Variants in ECPAS observed in about 807,000 individuals in gnomAD.
The protein encoded by ECPAS is proteasome adapter and scaffold protein ECM29.
Under a neutral mutation model 255.1 loss-of-function variants are expected in ECPAS, and 70 were observed. That is an observed-to-expected ratio of 0.27 (90% confidence interval 0.23 to 0.33). The LOEUF is 0.33. Among genes scored for constraint, ECPAS ranks in the 10% least tolerant of loss-of-function variants. The probability of loss-of-function intolerance (pLI) is 1.00; values close to 1 mark genes in which losing one functional copy is unlikely to be tolerated. For missense variants in ECPAS, 1,817 were observed against 2,206.4 expected, an observed-to-expected ratio of 0.82 and a Z score of 3.54; for synonymous variants, 784 against 775.0, an observed-to-expected ratio of 1.01 and a Z score of -0.19.
At chr9:111,363,971 C>T (rs1376229440) in intron 48 of ECPAS, among the ~76,000 whole-genome samples, 1 of 152,170 alleles carries the variant, frequency 6.6e-6, no homozygotes, top group Non-Finnish European at 1.5e-5. Context: ...AACACAAAAT[C>T]ATCTTCGTAT....
At chr9:111,442,223 TAAAACC>T in intron 5 of ECPAS, 77 bp downstream of exon 5, 2 of 929,684 alleles carry the variant, frequency 2.2e-6, no homozygotes, top group Non-Finnish European at 3.3e-6. Flanking sequence ...TTTGCTCAAG[TAAAACC>T]AAATATGTGA....
intron 3 of ECPAS, among the ~76,000 whole-genome samples, chr9:111,446,322 C>A (rs966432938): frequency 6.6e-6 from 1 of 152,090 alleles, no homozygotes; most frequent in Non-Finnish European, 1.5e-5. Context: ...AGATTTCTGC[C>A]AACAGAAAAG....
chr9:111,444,085 C>T (rs1019873495), intron 4 of ECPAS, among the ~76,000 whole-genome samples: 1 of 152,124 alleles, frequency 6.6e-6, no homozygotes, highest in African/African-American at 2.4e-5. Context: ...CAGTCTCCTA[C>T]CAAAAATCAA....
Position 111,383,298 on chromosome 9 carries a change from G to A in ECPAS, c.3716C>T (p.Ala1239Val), listed in dbSNP as rs769663824. Residue 1239 changes from alanine (A) to valine (V), a missense_variant, in exon 35 of 50, where the codon GCA becomes GTA. By Grantham distance (64) the Ala-to-Val change is moderately conservative. Around this residue, in one of 4 missense-constraint regions of ECPAS, gnomAD observed 960 missense variants for 1,179.0 expected, o/e 0.81. Transcript: ENST00000684092. Reference protein sequence around the residue: ...CVKMCDPAKGAAGQRTIAALL... With the variant: ...CVKMCDPAKGVAGQRTIAALL... ...GGCAGCGATGGTTCTCTGGCCAGCTGCTCCTTTGGCAGGGTCACACATTTT... is the reference window on the plus strand; with the variant it reads ...GGCAGCGATGGTTCTCTGGCCAGCTACTCCTTTGGCAGGGTCACACATTTT... The A allele has an allele frequency of 6.2e-7, 1 of 1,612,598 alleles. No individual in the cohort carries two copies. Among genetic ancestry groups the A allele is most frequent in the Non-Finnish European group, 8.5e-7 (1 of 1,179,322 alleles).
rs571541967 is a variant in ECPAS at position 111,447,987 on chromosome 9, A to T, written c.153+3438T>A. On this transcript the variant is annotated intron_variant, in intron 3 of 49. Coordinates refer to ENST00000684092, the MANE Select transcript of ECPAS (RefSeq NM_001364929.1). ...GGAAAGGACAAACAGACCAACTGAT[A>T]AAACAGGTTAATAATCATGTATATT... Among the ~76,000 whole-genome samples, 657 of 152,260 alleles carry T rather than the reference A, an allele frequency of 4.3e-3. 8 individuals are homozygous for T. The highest frequency in any genetic ancestry group is 0.015 in the African/African-American group (634 of 41,566).
chr9:111,382,935 C>T (rs933078993), intron 35 of ECPAS, among the ~76,000 whole-genome samples: 4 of 152,166 alleles, frequency 2.6e-5, no homozygotes, highest in African/African-American at 7.2e-5. Context: ...AACAAACATG[C>T]TCCTGAGGAC....
chr9:111,447,634 A>G (rs1266262549), intron 3 of ECPAS, among the ~76,000 whole-genome samples: 1 of 152,192 alleles, frequency 6.6e-6, no homozygotes, highest in African/African-American at 2.4e-5. Flanking sequence ...TGCTTAATAT[A>G]TAACAGGCTA....
chr9:111,416,470 G>C, intron 17 of ECPAS, 118 bp from the exon 18 acceptor site: 1 of 716,084 alleles, frequency 1.4e-6, no homozygotes, highest in Admixed American at 2.5e-5. Flanking sequence ...TTCTTTTTCT[G>C]ATCAAACATT....
chr9:111,434,732 G>A (rs2098235242), intron 7 of ECPAS, among the ~76,000 whole-genome samples: 1 of 151,742 alleles, frequency 6.6e-6, no homozygotes, highest in South Asian at 2.1e-4. Context: ...TGGGGCTACA[G>A]GCACACACAC....
At chr9:111,414,374 A>T in intron 19 of ECPAS, 55 bp downstream of exon 19, 1 of 1,458,974 alleles carries the variant, frequency 6.9e-7, no homozygotes, top group South Asian at 1.2e-5. Flanking sequence ...AAAGTTTAAA[A>T]TTAGATTTTT....
chr9:111,420,478 C>T (rs891754771), intron 15 of ECPAS, among the ~76,000 whole-genome samples: 2 of 152,086 alleles, frequency 1.3e-5, no homozygotes, highest in South Asian at 2.1e-4. Flanking sequence ...CCATCACCTC[C>T]GCCACCCCAA....
intron 10 of ECPAS, among the ~76,000 whole-genome samples, chr9:111,426,883 T>TCATTTG (rs1330013559): frequency 6.6e-6 from 1 of 151,738 alleles, no homozygotes; most frequent in Non-Finnish European, 1.5e-5. Flanking sequence ...GATGGGAGAA[T>TCATTTG]CATTTGAGCT....
chr9:111,453,489 T>C (rs1206221869), intron 2 of ECPAS, among the ~76,000 whole-genome samples: 4 of 152,118 alleles, frequency 2.6e-5, no homozygotes, highest in Admixed American at 2.0e-4. Context: ...ATGTGGCTAT[T>C]TCCCCCTACA....
chr9:111,402,584 A>G (rs1250038664), intron 24 of ECPAS, among the ~76,000 whole-genome samples: 1 of 152,238 alleles, frequency 6.6e-6, no homozygotes, highest in Non-Finnish European at 1.5e-5. Flanking sequence ...AGACTAAAAC[A>G]TAAACTTTTC....
Position 111,394,259 on chromosome 9 carries a change from T to TA in ECPAS, c.2822dup (p.Leu941PhefsTer3). The TA allele has an allele frequency of 6.2e-7, 1 of 1,603,322 alleles. No homozygotes were observed. The highest frequency in any genetic ancestry group is 8.5e-7 in the Non-Finnish European group (1 of 1,174,708). ...GGTTGGGGCTGATGATATGTTTATT[T>TA]AAAATCACATCCAACACCCATGGAA... is the stretch of plus-strand genomic sequence containing the variant. On this transcript the variant is annotated frameshift_variant, in exon 26 of 50. Coordinates refer to ENST00000684092, the MANE Select transcript of ECPAS (RefSeq NM_001364929.1). LOFTEE classifies it high-confidence loss of function.
rs778882062 is a variant in ECPAS, at chr9:111,397,068, G to C, written c.2738C>G (p.Ala913Gly). 82 of 1,613,806 alleles carry C rather than the reference G, an allele frequency of 5.1e-5. No individual in the cohort carries two copies. The highest frequency in any genetic ancestry group is 1.2e-4 in the Admixed American group (7 of 60,004). ...IGTSSVAARD[A>G]WQMTEEEYTP... ...ATATTCCTCTTCAGTCATTTGCCAG[G>C]CATCTCGGGCAGCCACAGAACTAGT... The change falls in exon 25 of 50, where the codon GCC becomes GGC. Residue 913 changes from alanine (A) to glycine (G), a missense_variant. By Grantham distance (60) the Ala-to-Gly change is moderately conservative. This residue lies in a region of ECPAS where 960 missense variants were observed against 1,179.0 expected (regional missense o/e 0.81). Transcript: ENST00000684092.
In ECPAS at chr9:111,425,368, ATACTT is replaced by A. The variant is rs756951406; in HGVS notation, c.1215+45_1215+49del. ...TGACAGACCAGAAATATTATAGAAA[ATACTT>A]TAAGATATAAAATGTTGATAAAATT... On this transcript the variant is annotated intron_variant, in intron 12 of 49. Transcript: ENST00000684092. 6.7e-6 allele frequency: 8 copies of A among 1,188,176 alleles called. No individual in the cohort carries two copies. The Admixed American group carries it at 2.4e-4, about 35-fold the overall frequency. 73.6% of individuals were successfully genotyped at this position (1,188,176 alleles called of 1,614,324 possible). A position where few individuals can be genotyped will look rare whatever the true frequency, so the allele number is the denominator to read the frequency against.
chr9:111,475,757 A>C (rs1475450120), intron 1 of ECPAS, among the ~76,000 whole-genome samples: 1 of 152,016 alleles, frequency 6.6e-6, no homozygotes, highest in African/African-American at 2.4e-5. Context: ...AAAACCCAGA[A>C]TGCAGTGAAA....
At chr9:111,430,901 G>C (rs969584968) in intron 8 of ECPAS, among the ~76,000 whole-genome samples, 4 of 152,118 alleles carry the variant, frequency 2.6e-5, no homozygotes, top group Non-Finnish European at 5.9e-5. Flanking sequence ...CAAGAACACT[G>C]GACACTGTTC....
Sources: allele counts gnomAD v4.1 joint callset (sites outside exome capture counted in the v4.1 genomes callset), GRCh38; gene constraint gnomAD v4.1.1; regional missense constraint gnomAD v4.1.1; transcripts MANE v1.5; gene names NCBI Gene and HGNC (gene_info 2026-07-23, HGNC 2026-07-21).